KHDRBS2: variants seen among roughly 807,000 people sequenced by gnomAD.
KHDRBS2 encodes KH RNA binding domain containing, signal transduction associated 2.
Under a neutral mutation model 44.3 loss-of-function variants are expected in KHDRBS2, and 26 were observed. The observed-to-expected ratio is 0.59, with a 90% confidence interval of 0.43 to 0.81. The LOEUF (loss-of-function observed/expected upper bound fraction) is 0.81, where lower values mean the gene tolerates loss of function less well. KHDRBS2 is among the 40% of genes least tolerant of loss of function. The pLI is 0.00. For missense variants in KHDRBS2, 476 were observed against 433.1 expected (o/e 1.10, Z -0.88); for synonymous variants, 194 against 151.1 (o/e 1.28, Z -2.08).
chr6:61,752,671 C>CGA (rs1441449869), intron 6 of KHDRBS2, among the ~76,000 whole-genome samples: 1 of 111,336 alleles, frequency 9.0e-6, no homozygotes, highest in Non-Finnish European at 1.8e-5. Context: ...TTGTGGTATA[C>CGA]AAAAAAAAAA....
chr6:61,773,432 A>G (rs1476240411), intron 6 of KHDRBS2, among the ~76,000 whole-genome samples: 1 of 152,086 alleles, frequency 6.6e-6, no homozygotes, highest in African/African-American at 2.4e-5. Flanking sequence ...TGGCTGCATA[A>G]ATGTCTTCTT....
intron 3 of KHDRBS2, among the ~76,000 whole-genome samples, chr6:62,008,338 TTA>T (rs1302891320): frequency 6.6e-6 from 1 of 152,200 alleles, no homozygotes; most frequent in African/African-American, 2.4e-5. Flanking sequence ...GTAATTTATG[TTA>T]TATGTTTTAT....
At chr6:62,067,660 A>G (rs1794063299) in intron 2 of KHDRBS2, among the ~76,000 whole-genome samples, 1 of 151,540 alleles carries the variant, frequency 6.6e-6, no homozygotes, top group Admixed American at 6.6e-5. Flanking sequence ...GGGTTATACA[A>G]CCATTGCCAA....
At chr6:61,595,994 G>A in the KHDRBS2 span, among the ~76,000 whole-genome samples, 1 of 152,158 alleles carries the variant, frequency 6.6e-6, no homozygotes, top group East Asian at 1.9e-4. Context: ...GGATGGCTGT[G>A]AAAGGCAGGA....
intron 4 of KHDRBS2, among the ~76,000 whole-genome samples, chr6:61,931,262 T>C (rs780522582): frequency 5.3e-5 from 8 of 152,070 alleles, no homozygotes; most frequent in South Asian, 2.1e-4. Flanking sequence ...TTAGAGTATA[T>C]GTTCATAAAT....
chr6:61,763,331 C>T lies in KHDRBS2; in HGVS notation c.811-30567G>A, dbSNP rs150315998. Among the ~76,000 whole-genome samples, 973 of 152,274 alleles carry T rather than the reference C, an allele frequency of 6.4e-3. 13 individuals carry two copies. The highest frequency in any genetic ancestry group is 0.022 in the African/African-American group (900 of 41,556). On this transcript the variant is annotated intron_variant, in intron 6 of 8. Coordinates refer to ENST00000281156, the MANE Select transcript of KHDRBS2 (RefSeq NM_152688.4). ...AAACAAATGTTTATACATTAGGATTCTGATTCCCAATGCTGTTGTAACTCT... is the reference window on the plus strand; with the variant it reads ...AAACAAATGTTTATACATTAGGATTTTGATTCCCAATGCTGTTGTAACTCT...
chr6:61,602,333 C>A, the KHDRBS2 span, among the ~76,000 whole-genome samples: 1 of 152,148 alleles, frequency 6.6e-6, no homozygotes, highest in African/African-American at 2.4e-5. Flanking sequence ...ACCGCAGTGG[C>A]CAGGCATTCC....
At chr6:62,181,691 C>G (rs991618041) in intron 1 of KHDRBS2, among the ~76,000 whole-genome samples, 1 of 151,782 alleles carries the variant, frequency 6.6e-6, no homozygotes, top group African/African-American at 2.4e-5. Flanking sequence ...AAGTTTGTGC[C>G]CCCACCAAAT....
chr6:61,654,355 G>T, the KHDRBS2 span, among the ~76,000 whole-genome samples: 1 of 151,964 alleles, frequency 6.6e-6, no homozygotes, highest in Admixed American at 6.6e-5. Context: ...GCAGACTCAA[G>T]GTAGAATCAT....
chr6:62,103,767 G>T (rs1465031506), intron 2 of KHDRBS2, among the ~76,000 whole-genome samples: 1 of 152,194 alleles, frequency 6.6e-6, no homozygotes, highest in Non-Finnish European at 1.5e-5. Flanking sequence ...GCAGGCTGCT[G>T]CTGCCATCAA....
intron 6 of KHDRBS2, among the ~76,000 whole-genome samples, chr6:61,734,133 G>A (rs1279299008): frequency 6.6e-6 from 1 of 151,962 alleles, no homozygotes; most frequent in Non-Finnish European, 1.5e-5. Flanking sequence ...TCATTTTCAC[G>A]TGGTCTTACC....
chr6:62,168,394 T>C (rs1198761654), intron 2 of KHDRBS2, among the ~76,000 whole-genome samples: 1 of 152,120 alleles, frequency 6.6e-6, no homozygotes, highest in Non-Finnish European at 1.5e-5. Context: ...AGAGGCTGAA[T>C]TGCCTAGGTG....
chr6:61,700,013 C>A (rs1768399642), intron 7 of KHDRBS2, among the ~76,000 whole-genome samples: 2 of 151,942 alleles, frequency 1.3e-5, no homozygotes, highest in Admixed American at 6.6e-5. Context: ...AACTCAGAGT[C>A]CTCATATAGG....
intron 4 of KHDRBS2, among the ~76,000 whole-genome samples, chr6:61,931,214 C>G (rs1043117153): frequency 4.6e-5 from 7 of 151,928 alleles, no homozygotes; most frequent in Non-Finnish European, 5.9e-5. Flanking sequence ...GGGCTTGATT[C>G]CTTACATACT....
At chr6:62,040,879 G>T (rs1285046137) in intron 3 of KHDRBS2, among the ~76,000 whole-genome samples, 2 of 151,986 alleles carry the variant, frequency 1.3e-5, no homozygotes, top group Non-Finnish European at 2.9e-5. Flanking sequence ...CAGATTCAAG[G>T]GGAAGAGAAT....
chr6:61,895,950 T>C (rs1802864816), intron 5 of KHDRBS2, among the ~76,000 whole-genome samples: 1 of 152,168 alleles, frequency 6.6e-6, no homozygotes, highest in South Asian at 2.1e-4. Flanking sequence ...TTTAAAATTT[T>C]TAAATAGATT....
intron 6 of KHDRBS2, among the ~76,000 whole-genome samples, chr6:61,879,244 T>G (rs1407468313): frequency 6.6e-6 from 1 of 152,018 alleles, no homozygotes; most frequent in African/African-American, 2.4e-5. Flanking sequence ...CTGGTACTAC[T>G]TCACACCCAC....
At chr6:62,006,795 A>C (rs1319252328) in intron 3 of KHDRBS2, among the ~76,000 whole-genome samples, 1 of 152,076 alleles carries the variant, frequency 6.6e-6, no homozygotes, top group Non-Finnish European at 1.5e-5. Flanking sequence ...CAAAACAAGA[A>C]AAAATAATAA....
chr6:62,044,281 G>A (rs920709374), intron 3 of KHDRBS2, among the ~76,000 whole-genome samples: 1 of 151,900 alleles, frequency 6.6e-6, no homozygotes, highest in Non-Finnish European at 1.5e-5. Flanking sequence ...TTCAGGACCA[G>A]CCTGGACAAC....
Sources: gnomAD v4.1 joint callset for allele counts (sites outside exome capture counted in the v4.1 genomes callset) on GRCh38, gnomAD v4.1.1 for gene constraint, MANE v1.5 for transcripts, NCBI Gene and HGNC (gene_info 2026-07-23, HGNC 2026-07-21) for gene names.